OPCML: variants seen among roughly 807,000 people sequenced by gnomAD.
The protein encoded by OPCML is opioid binding protein/cell adhesion molecule like, also known as opioid-binding protein/cell adhesion molecule.
A neutral mutation model predicts 37.8 loss-of-function variants in OPCML; 13 were observed. The ratio of observed to expected loss-of-function variants is 0.34; its 90% CI spans 0.22 to 0.55. OPCML has a LOEUF of 0.55. Among genes scored for constraint, OPCML ranks in the 20% least tolerant of loss-of-function variants. The probability of loss-of-function intolerance (pLI) is 0.91; values close to 1 mark genes in which losing one functional copy is unlikely to be tolerated. For synonymous variants in OPCML, 176 were observed against 168.8 expected, an observed-to-expected ratio of 1.04 and a Z score of -0.33; for missense variants, 341 against 435.6, an observed-to-expected ratio of 0.78 and a Z score of 1.93.
rs190248620 is a variant in OPCML, at chr11:133,306,114, C to A, written c.61+226150G>T. Among the ~76,000 whole-genome samples, 6 of 152,216 alleles carry A rather than the reference C, an allele frequency of 3.9e-5. No homozygotes were observed. In the East Asian group the frequency reaches 9.7e-4, roughly 24 times the overall value. On this transcript the variant is annotated intron_variant, in intron 1 of 7. Transcript: ENST00000524381. ...CTGAATTGGTAGCACAGTAGTGTAA[C>A]CATTCACAGCCCTAACTGGCATACA...
At chr11:132,548,200 G>T (rs1168664002) in intron 3 of OPCML, among the ~76,000 whole-genome samples, 1 of 152,208 alleles carries the variant, frequency 6.6e-6, no homozygotes, top group African/African-American at 2.4e-5. Flanking sequence ...AGGCATAGGA[G>T]CTTGGTGGGC....
At chr11:133,347,341 A>G (rs1253917691) in intron 1 of OPCML, among the ~76,000 whole-genome samples, 3 of 152,170 alleles carry the variant, frequency 2.0e-5, no homozygotes, top group Non-Finnish European at 4.4e-5. Context: ...GACATGCGAG[A>G]ATTAGAAAGA....
At chr11:133,200,117 G>A (rs1938707417) in intron 1 of OPCML, among the ~76,000 whole-genome samples, 1 of 152,098 alleles carries the variant, frequency 6.6e-6, no homozygotes. Context: ...TCCATGGAAA[G>A]CCTGATGTCT....
At chr11:132,846,700 A>C (rs149588018) in intron 2 of OPCML, among the ~76,000 whole-genome samples, 4 of 152,308 alleles carry the variant, frequency 2.6e-5, no homozygotes, top group African/African-American at 9.6e-5. Context: ...ATTGTTGAGA[A>C]TTTGCTATGT....
At chr11:133,265,038 C>T (rs532183856) in intron 1 of OPCML, among the ~76,000 whole-genome samples, 2 of 152,074 alleles carry the variant, frequency 1.3e-5, no homozygotes, top group Non-Finnish European at 2.9e-5. Context: ...TGACTCGCTG[C>T]GCCGTGGGAA....
At position 133,086,634 on chromosome 11, in the gene OPCML, T is replaced by C. The variant is rs142980294; in HGVS notation, c.62-143624A>G. Among the ~76,000 whole-genome samples the C allele has an allele frequency of 2.9e-3, 433 of 151,630 alleles. 6 individuals carry two copies. The highest frequency in any genetic ancestry group is 9.7e-3 in the African/African-American group (404 of 41,472). On this transcript the variant is annotated intron_variant, in intron 1 of 7. Coordinates refer to ENST00000524381, the MANE Select transcript of OPCML (RefSeq NM_001012393.5). ...AATGCATGGTGTAATGACTGCACAATCAAATTAAGGAACACATTCATCACC... is the reference window on the plus strand; with the variant it reads ...AATGCATGGTGTAATGACTGCACAACCAAATTAAGGAACACATTCATCACC...
At chr11:133,522,832 T>G (rs191188657) in intron 1 of OPCML, among the ~76,000 whole-genome samples, 1 of 152,296 alleles carries the variant, frequency 6.6e-6, no homozygotes, top group Non-Finnish European at 1.5e-5. Context: ...CAAGGTCCCT[T>G]TTGATTCCAA....
chr11:132,947,148 T>A (rs1039164836), intron 1 of OPCML, among the ~76,000 whole-genome samples: 5 of 152,164 alleles, frequency 3.3e-5, no homozygotes, highest in African/African-American at 4.8e-5. Context: ...ATGGAGCAGT[T>A]GCTAAATCAA....
In OPCML at chr11:133,211,588, A is replaced by G. The variant is rs887484965; in HGVS notation, c.62-268578T>C. Among the ~76,000 whole-genome samples the G allele has an allele frequency of 1.3e-5, 2 of 152,178 alleles. No individual in the cohort carries two copies. The highest frequency in any genetic ancestry group is 2.9e-5 in the Non-Finnish European group (2 of 68,036). On this transcript the variant is annotated intron_variant, in intron 1 of 7. Coordinates refer to ENST00000524381, the MANE Select transcript of OPCML (RefSeq NM_001012393.5). This position sits in a 1 kb window ranked among gnomAD's most constrained non-coding sequence, Gnocchi z 4.1. The stretch of plus-strand genomic sequence containing the variant: ...ACTATGCTTTGGCATCAACAGTGGA[A>G]CATGGTTTCCTAGAAGGGAGCTGAG...
intron 4 of OPCML, among the ~76,000 whole-genome samples, chr11:132,440,038 CAG>C (rs2096027242): frequency 6.6e-6 from 1 of 152,170 alleles, no homozygotes; most frequent in Non-Finnish European, 1.5e-5. Context: ...GATGGTTTCA[CAG>C]AATGGGGAGG....
At chr11:132,576,706 A>G (rs553702867) in intron 3 of OPCML, among the ~76,000 whole-genome samples, 1 of 152,214 alleles carries the variant, frequency 6.6e-6, no homozygotes, top group Admixed American at 6.5e-5. Context: ...TGGTGTCTGC[A>G]TATTAGATTG....
chr11:133,393,042 C>CTTTTTTTTTTTTTTTTT (rs55728368), intron 1 of OPCML, among the ~76,000 whole-genome samples: 1 of 146,364 alleles, frequency 6.8e-6, no homozygotes, highest in African/African-American at 2.5e-5. Context: ...TGTTTAGTGA[C>CTTTTTTTTTTTTTTTTT]TTTTTTTTTT....
At chr11:133,360,709 C>T (rs918657773) in intron 1 of OPCML, 3 of 152,206 alleles carry the variant, frequency 2.0e-5, no homozygotes, top group Admixed American at 6.5e-5. Flanking sequence ...TCTTCTTTCT[C>T]GTTATTCATT....
At chr11:132,447,971 T>A (rs1348646669) in intron 4 of OPCML, among the ~76,000 whole-genome samples, 1 of 152,186 alleles carries the variant, frequency 6.6e-6, no homozygotes, top group Non-Finnish European at 1.5e-5. Context: ...AGAGAGGGAA[T>A]CAGCACTGCA....
intron 2 of OPCML, among the ~76,000 whole-genome samples, chr11:132,808,291 C>A (rs781364327): frequency 1.5e-4 from 23 of 152,176 alleles, no homozygotes; most frequent in Non-Finnish European, 2.6e-4. Flanking sequence ...AGTGAGAAAT[C>A]CCTGCCTGGT....
rs543083973 is a variant in OPCML, at chr11:132,960,424, G to A, written c.62-17414C>T. Among the ~76,000 whole-genome samples the A allele has an allele frequency of 8.5e-5, 13 of 152,338 alleles. 1 individual carries two copies. In the East Asian group the frequency reaches 2.5e-3, roughly 29 times the overall value. Reference sequence around the variant, plus strand: ...ACTGTTGTGGTGGAAGCAGGAGGTTGGGGCGAGGCCAGGAGCGGGGACTGC... The same window carrying A: ...ACTGTTGTGGTGGAAGCAGGAGGTTAGGGCGAGGCCAGGAGCGGGGACTGC... On this transcript the variant is annotated intron_variant, in intron 1 of 7. Coordinates refer to ENST00000524381, the MANE Select transcript of OPCML (RefSeq NM_001012393.5).
chr11:132,623,521 T>A (rs1020235128), intron 3 of OPCML, among the ~76,000 whole-genome samples: 1 of 152,222 alleles, frequency 6.6e-6, no homozygotes, highest in Non-Finnish European at 1.5e-5. Flanking sequence ...ATTTTCTAAT[T>A]GTTCATAAAT....
chr11:132,423,308 C>T (rs903069678), intron 7 of OPCML, among the ~76,000 whole-genome samples: 1 of 152,166 alleles, frequency 6.6e-6, no homozygotes, highest in African/African-American at 2.4e-5. Context: ...TGCCAAAGTG[C>T]CTTTGGTCAA....
rs1939349497 is a variant in OPCML, at chr11:133,211,324, A to G, written c.62-268314T>C. Among the ~76,000 whole-genome samples the G allele has an allele frequency of 6.6e-6, 1 of 152,222 alleles. No individual in the cohort carries two copies. The highest frequency in any genetic ancestry group is 2.4e-5 in the African/African-American group (1 of 41,462). On this transcript the variant is annotated intron_variant, in intron 1 of 7. Coordinates refer to ENST00000524381, the MANE Select transcript of OPCML (RefSeq NM_001012393.5). The surrounding 1 kb of genome is among the most constrained non-coding windows in gnomAD (Gnocchi z 4.1). Reference sequence around the variant, plus strand: ...GCACCTAAAAATCCACTCTTTAAGCATAATAGTCTATTGATTACCTCAGTT... The same window carrying G: ...GCACCTAAAAATCCACTCTTTAAGCGTAATAGTCTATTGATTACCTCAGTT...
Sources: allele counts gnomAD v4.1 joint callset (sites outside exome capture counted in the v4.1 genomes callset), GRCh38; gene constraint gnomAD v4.1.1; non-coding constraint Gnocchi (gnomAD v3.1); transcripts MANE v1.5; gene names NCBI Gene and HGNC (gene_info 2026-07-23, HGNC 2026-07-21).